RIPK4: variants seen among roughly 807,000 people sequenced by gnomAD.
The protein encoded by RIPK4 is receptor interacting serine/threonine kinase 4, also known as receptor-interacting serine/threonine-protein kinase 4.
Under a neutral mutation model 42.9 loss-of-function variants are expected in RIPK4, and 17 were observed. The ratio of observed to expected loss-of-function variants is 0.40; its 90% CI spans 0.27 to 0.59. The LOEUF (loss-of-function observed/expected upper bound fraction) is 0.59. RIPK4 is among the 20% of genes least tolerant of loss of function. RIPK4 has a pLI of 0.47. For synonymous variants in RIPK4, 498 were observed against 499.1 expected, an observed-to-expected ratio of 1.00 and a Z score of 0.03; for missense variants, 897 against 1,104.4, an observed-to-expected ratio of 0.81 and a Z score of 2.66.
rs539695321 is a variant in RIPK4, at chr21:41,743,870, G to A, written c.1195+12C>T. On this transcript the variant is annotated intron_variant, in intron 7 of 7. Transcript: ENST00000332512. ...CCAGCATCTCTCGGGACACAGAGGC[G>A]TCCCCACTCACCGCTGGTTGAAGGT... is the stretch of plus-strand genomic sequence containing the variant. 74 of 1,580,674 alleles carry A rather than the reference G, an allele frequency of 4.7e-5. No individual in the cohort carries two copies. Among genetic ancestry groups the A allele is most frequent in the Middle Eastern group, 3.4e-4 (2 of 5,866 alleles).
Position 41,767,019 on chromosome 21 carries a change from G to A in RIPK4, c.23C>T (p.Pro8Leu). The change falls in exon 1 of 8, where the codon CCA becomes CTA. Residue 8 changes from proline to leucine, a missense_variant. Pro to Leu is a moderately conservative substitution (Grantham distance 98, BLOSUM62 -3). Transcript: ENST00000332512. This position sits in a 1 kb window ranked among gnomAD's most constrained non-coding sequence, Gnocchi z 4.0. MEGDGGT[P>L]WALALLRTFD... is the part of the protein sequence containing the mutation. The stretch of plus-strand genomic sequence containing the variant: ...GGTGCGCAGCAGCGCCAGGGCCCAT[G>A]GGGTCCCGCCGTCGCCCTCCATCGC... 1.3e-6 allele frequency: 2 copies of A among 1,586,008 alleles called. No individual in the cohort carries two copies. Among genetic ancestry groups the A allele is most frequent in the South Asian group, 1.1e-5 (1 of 88,338 alleles).
chr21:41,746,959 G>C (rs147290898), intron 4 of RIPK4, 188 bp from the exon 5 acceptor site: 1 of 618,134 alleles, frequency 1.6e-6, no homozygotes, highest in East Asian at 3.1e-5. Flanking sequence ...GGTGCGCCAT[G>C]CTCTCTAGTT....
rs6586235 is a variant in RIPK4, at chr21:41,754,276, A to G, written c.474+2249T>C. 2.0e-5 allele frequency among the ~76,000 whole-genome samples: 3 copies of G among 151,992 alleles called. No homozygotes were observed. In the South Asian group the frequency reaches 6.2e-4, roughly 32 times the overall value. On this transcript the variant is annotated intron_variant, in intron 2 of 7. Coordinates refer to ENST00000332512, the MANE Select transcript of RIPK4 (RefSeq NM_020639.3). ...AACCCCGACACACACTCCCTGCTGC[A>G]CTCTACGCACACCAGTAGCTATTTC... is the stretch of plus-strand genomic sequence containing the variant.
chr21:41,746,847 C>T, intron 4 of RIPK4, 76 bp from the exon 5 acceptor site: 3 of 1,486,632 alleles, frequency 2.0e-6, no homozygotes, highest in East Asian at 2.3e-5. Flanking sequence ...GGAAACGACA[C>T]ACTCGCCGGG....
rs1239004188 is a variant in RIPK4, at chr21:41,742,885, G to A, written c.1196-888C>T. The stretch of plus-strand genomic sequence containing the variant: ...AGATGGTGGTATTTCTTTCTGCTCA[G>A]TCTTAGACTTTGCCCTGACTCTCCT... On this transcript the variant is annotated intron_variant, in intron 7 of 7. Transcript: ENST00000332512. This position sits in a 1 kb window ranked among gnomAD's most constrained non-coding sequence, Gnocchi z 5.1. Among the ~76,000 whole-genome samples the A allele has an allele frequency of 6.6e-6, 1 of 152,114 alleles. No homozygotes were observed. The highest frequency in any genetic ancestry group is 2.4e-5 in the African/African-American group (1 of 41,406).
chr21:41,766,117 C>T (rs928130210), intron 1 of RIPK4, among the ~76,000 whole-genome samples: 4 of 152,244 alleles, frequency 2.6e-5, no homozygotes, highest in Non-Finnish European at 5.9e-5. Flanking sequence ...AGGCCCTTCC[C>T]TAGCGGGTCG....
intron 2 of RIPK4, among the ~76,000 whole-genome samples, chr21:41,754,746 G>T (rs1008019946): frequency 6.6e-6 from 1 of 152,152 alleles, no homozygotes; most frequent in African/African-American, 2.4e-5. Context: ...CTCCCACAGG[G>T]CCGCCTCTAG....
intron 1 of RIPK4, among the ~76,000 whole-genome samples, chr21:41,765,216 G>A (rs545037028): frequency 6.6e-6 from 1 of 152,328 alleles, no homozygotes; most frequent in South Asian, 2.1e-4. Context: ...ACATCCCCAA[G>A]AGATAAAACG....
intron 1 of RIPK4, among the ~76,000 whole-genome samples, chr21:41,763,708 A>AT (rs1569108139): frequency 6.6e-6 from 1 of 152,150 alleles, no homozygotes; most frequent in Non-Finnish European, 1.5e-5. Context: ...CCACACGGCT[A>AT]TTTTTAAAAC....
intron 3 of RIPK4, among the ~76,000 whole-genome samples, chr21:41,750,362 T>C (rs1445400809): frequency 6.6e-6 from 1 of 152,222 alleles, no homozygotes; most frequent in Admixed American, 6.5e-5. Flanking sequence ...AGGGACTAGG[T>C]GACTTGGGGA....
intron 1 of RIPK4, among the ~76,000 whole-genome samples, chr21:41,757,998 C>CCAAA (rs1479763213): frequency 0.012 from 152 of 13,038 alleles, 15 homozygotes; most frequent in South Asian, 0.047. Flanking sequence ...GACTCCATAA[C>CCAAA]AAAAAAAAAA....
intron 6 of RIPK4, among the ~76,000 whole-genome samples, 157 bp from the exon 7 acceptor site, chr21:41,744,297 G>A (rs948148338): frequency 5.9e-5 from 9 of 152,158 alleles, no homozygotes; most frequent in African/African-American, 9.7e-5. Context: ...ATTGGTCACC[G>A]AGCTCAGACC....
rs914490113 is a variant in RIPK4 at position 41,742,914 on chromosome 21, C to T, written c.1196-917G>A. Among the ~76,000 whole-genome samples the T allele has an allele frequency of 3.9e-5, 6 of 152,220 alleles. No homozygotes were observed. Among genetic ancestry groups the T allele is most frequent in the African/African-American group, 1.4e-4 (6 of 41,456 alleles). ...TAGACTTTGCCCTGACTCTCCTCCT[C>T]AAGCCCATCACCCACTGCTTATCTG... On this transcript the variant is annotated intron_variant, in intron 7 of 7. Transcript: ENST00000332512. The surrounding 1 kb of genome is among the most constrained non-coding windows in gnomAD (Gnocchi z 5.1).
In RIPK4 at chr21:41,751,367, G is replaced by A. The variant is rs1379960731; in HGVS notation, c.475-122C>T. On this transcript the variant is annotated intron_variant, in intron 2 of 7. Coordinates refer to ENST00000332512, the MANE Select transcript of RIPK4 (RefSeq NM_020639.3). The surrounding 1 kb of genome is among the most constrained non-coding windows in gnomAD (Gnocchi z 4.5). Reference sequence around the variant, plus strand: ...GTGAGAGCTTTCCAGGAGCCCCTAAGAGCCGTGTCTGTGCCTCTCCAGGTA... The same window carrying A: ...GTGAGAGCTTTCCAGGAGCCCCTAAAAGCCGTGTCTGTGCCTCTCCAGGTA... 7.5e-7 allele frequency: 1 copy of A among 1,330,662 alleles called. No individual in the cohort carries two copies. The highest frequency in any genetic ancestry group is 1.0e-6 in the Non-Finnish European group (1 of 982,364). The allele number at this position is 1,330,662 out of a possible 1,614,324, so 82.4% of individuals were successfully genotyped here. A position where few individuals can be genotyped will look rare whatever the true frequency, so the allele number is the denominator to read the frequency against.
chr21:41,746,784 G>A lies in RIPK4; in HGVS notation c.674-13C>T. On this transcript the variant is annotated splice_polypyrimidine_tract_variant and intron_variant, in intron 4 of 7. Coordinates refer to ENST00000332512, the MANE Select transcript of RIPK4 (RefSeq NM_020639.3). ...ATGTTCTTCTCATCTGCCAAGGGAA[G>A]GATGCGAGTCAGGGGCTCTGCAGGG... 6.4e-7 allele frequency: 1 copy of A among 1,572,376 alleles called. No homozygotes were observed. The highest frequency in any genetic ancestry group is 8.6e-7 in the Non-Finnish European group (1 of 1,159,966).
rs1276826974 is a variant in RIPK4 at position 41,741,074 on chromosome 21, G to A, written c.2119C>T (p.Leu707=). The A allele has an allele frequency of 6.2e-7, 1 of 1,611,360 alleles. No homozygotes were observed. ...LARGPLNQTA[L]HLAAAHGHSE... ...TGCCCGTGGGCGGCAGCCAGGTGCA[G>A]CGCCGTCTGGTTCAGGGGTCCCCGG... The change falls in exon 8 of 8, where the codon CTG becomes TTG. Residue 707 remains leucine, a synonymous_variant. Coordinates refer to ENST00000332512, the MANE Select transcript of RIPK4 (RefSeq NM_020639.3).
At chr21:41,761,282 G>A (rs762552949) in intron 1 of RIPK4, among the ~76,000 whole-genome samples, 2 of 152,242 alleles carry the variant, frequency 1.3e-5, no homozygotes, top group Non-Finnish European at 2.9e-5. Context: ...TGGGAACACC[G>A]GTTGGCTGAG....
chr21:41,746,694 G>A lies in RIPK4; in HGVS notation c.751C>T (p.Arg251Trp), dbSNP rs776699593. 4 of 1,610,880 alleles carry A rather than the reference G, an allele frequency of 2.5e-6. No homozygotes were observed. The highest frequency in any genetic ancestry group is 2.2e-5 in the East Asian group (1 of 44,874). The change falls in exon 5 of 8, where the codon CGG becomes TGG. Residue 251 changes from arginine (R) to tryptophan (W), a missense_variant. By Grantham distance (101) the Arg-to-Trp change is moderately radical. Coordinates refer to ENST00000332512, the MANE Select transcript of RIPK4 (RefSeq NM_020639.3). The stretch of plus-strand genomic sequence containing the variant: ...ATCAGGTGGCTGCAGGCGCGCGGCC[G>A]GGCTCTGCACACGGGCGGCAGCTCG... ...RPELPPVCRARPRACSHLIRL... is the reference protein window; with the variant it reads ...RPELPPVCRAWPRACSHLIRL...
At chr21:41,763,892 C>T (rs1191701637) in intron 1 of RIPK4, among the ~76,000 whole-genome samples, 4 of 152,050 alleles carry the variant, frequency 2.6e-5, no homozygotes, top group Non-Finnish European at 5.9e-5. Flanking sequence ...AGGGGAGGAA[C>T]GGGGCCTTTG....
Sources: allele counts gnomAD v4.1 joint callset (sites outside exome capture counted in the v4.1 genomes callset), GRCh38; gene constraint gnomAD v4.1.1; non-coding constraint Gnocchi (gnomAD v3.1); transcripts MANE v1.5; gene names NCBI Gene and HGNC (gene_info 2026-07-23, HGNC 2026-07-21).